ELFN1: variants seen among roughly 807,000 people sequenced by gnomAD.
The protein encoded by ELFN1 is extracellular leucine rich repeat and fibronectin type III domain containing 1.
Under a neutral mutation model 7.6 loss-of-function variants are expected in ELFN1, and 6 were observed. That is an observed-to-expected ratio of 0.79 (90% CI 0.43 to 1.56). The LOEUF (loss-of-function observed/expected upper bound fraction) is 1.56, where lower values mean the gene tolerates loss of function less well. Ranked by LOEUF, ELFN1 falls within the 40% of genes most tolerant of loss-of-function variation. The pLI is 0.01. For missense variants in ELFN1, 1,169 were observed against 1,232.2 expected (o/e 0.95, Z 0.77); for synonymous variants, 657 against 588.1 (o/e 1.12, Z -1.70).
chr7:1,702,973 G>A (rs986606289), intron 2 of ELFN1, among the ~76,000 whole-genome samples: 1 of 152,106 alleles, frequency 6.6e-6, no homozygotes, highest in Non-Finnish European at 1.5e-5. Flanking sequence ...GATCTGTATT[G>A]CCAAATGACT....
chr7:1,676,050 G>C (rs904944180), intron 1 of ELFN1, among the ~76,000 whole-genome samples: 1 of 152,200 alleles, frequency 6.6e-6, no homozygotes, highest in African/African-American at 2.4e-5. Flanking sequence ...GCCTGGGAGG[G>C]GGACTGGGAT....
intron 1 of ELFN1, among the ~76,000 whole-genome samples, chr7:1,675,150 C>T (rs1327034550): frequency 7.2e-6 from 1 of 138,760 alleles, no homozygotes; most frequent in Non-Finnish European, 1.5e-5. Context: ...CCCTGTGCAC[C>T]CCCAGGCCCT....
chr7:1,668,444 T>G (rs4236259), upstream of ELFN1, among the ~76,000 whole-genome samples: 89,705 of 152,196 alleles, frequency 0.59, 28,502 homozygotes, highest in African/African-American at 0.85. Flanking sequence ...GAAATGGGGA[T>G]CCAGTACCTC....
At chr7:1,676,102 A>C (rs1218285624) in intron 1 of ELFN1, among the ~76,000 whole-genome samples, 1 of 152,038 alleles carries the variant, frequency 6.6e-6, no homozygotes, top group Non-Finnish European at 1.5e-5. Flanking sequence ...TGGTTCCTAG[A>C]CCAGATCCCA....
chr7:1,696,392 C>CTT (rs964898176), intron 2 of ELFN1, among the ~76,000 whole-genome samples: 3 of 137,222 alleles, frequency 2.2e-5, no homozygotes, highest in Non-Finnish European at 4.8e-5. Flanking sequence ...TTCTTTCTTT[C>CTT]TTTTTTTTTT....
intron 3 of ELFN1, among the ~76,000 whole-genome samples, chr7:1,728,974 G>A (rs909279131): frequency 6.6e-6 from 1 of 152,206 alleles, no homozygotes; most frequent in Non-Finnish European, 1.5e-5. Context: ...GTAAACTGAG[G>A]CTCAAAGAAC....
intron 1 of ELFN1, among the ~76,000 whole-genome samples, chr7:1,679,173 A>ACG (rs147990589): frequency 6.7e-4 from 97 of 144,982 alleles, no homozygotes; most frequent in Middle Eastern, 3.4e-3. Context: ...GCACACACGT[A>ACG]CGCGCGCACA....
chr7:1,725,185 G>A (rs1780153370), intron 3 of ELFN1, among the ~76,000 whole-genome samples: 4 of 152,254 alleles, frequency 2.6e-5, no homozygotes, highest in Admixed American at 6.5e-5. Flanking sequence ...CCTGGTGGGT[G>A]CAGGCAGTTT....
intron 2 of ELFN1, among the ~76,000 whole-genome samples, chr7:1,700,583 C>T (rs186025757): frequency 3.9e-5 from 6 of 152,322 alleles, no homozygotes; most frequent in East Asian, 1.9e-4. Context: ...GGATCAAGGT[C>T]GGTTCCATTT....
chr7:1,674,338 G>A (rs1350751283), intron 1 of ELFN1, among the ~76,000 whole-genome samples: 1 of 152,136 alleles, frequency 6.6e-6, no homozygotes, highest in African/African-American at 2.4e-5. Context: ...GTTCTGTGGT[G>A]GGAGACCCTG....
At chr7:1,713,215 G>A (rs1779716916) in intron 3 of ELFN1, among the ~76,000 whole-genome samples, 1 of 152,230 alleles carries the variant, frequency 6.6e-6, no homozygotes, top group South Asian at 2.1e-4. Context: ...ACTCTGTGCT[G>A]TGAGCCTCAG....
At chr7:1,692,495 A>G (rs953173577) in intron 2 of ELFN1, 4 of 152,420 alleles carry the variant, frequency 2.6e-5, no homozygotes, top group African/African-American at 9.6e-5. Flanking sequence ...TTGGGGGTGC[A>G]TCTGCATGGA....
intron 3 of ELFN1, among the ~76,000 whole-genome samples, chr7:1,728,315 C>A (rs1314400810): frequency 1.3e-5 from 2 of 152,266 alleles, no homozygotes; most frequent in Admixed American, 1.3e-4. Context: ...GGCTCACTGA[C>A]TAACAAGGGG....
At chr7:1,722,513 C>T (rs1780055017) in intron 3 of ELFN1, among the ~76,000 whole-genome samples, 1 of 151,944 alleles carries the variant, frequency 6.6e-6, no homozygotes, top group South Asian at 2.1e-4. Context: ...TGGTGATCCA[C>T]CCCCCGCTCA....
At chr7:1,671,645 A>G (rs1778769638) in intron 1 of ELFN1, among the ~76,000 whole-genome samples, 1 of 152,236 alleles carries the variant, frequency 6.6e-6, no homozygotes, top group East Asian at 1.9e-4. Context: ...GGGAAACCCC[A>G]TTGGGTTGGG....
At chr7:1,675,077 G>A (rs950655290) in intron 1 of ELFN1, among the ~76,000 whole-genome samples, 2 of 152,188 alleles carry the variant, frequency 1.3e-5, no homozygotes, top group African/African-American at 4.8e-5. Flanking sequence ...TGGCCTTACC[G>A]ACGGGGACCC....
intron 2 of ELFN1, among the ~76,000 whole-genome samples, chr7:1,704,290 C>CT (rs912984986): frequency 2.0e-5 from 3 of 152,198 alleles, no homozygotes; most frequent in African/African-American, 7.2e-5. Flanking sequence ...TACTCTCCCC[C>CT]TCCTCACCCC....
chr7:1,743,141 G>A (rs547967962), intron 3 of ELFN1, among the ~76,000 whole-genome samples: 7 of 152,268 alleles, frequency 4.6e-5, no homozygotes, highest in African/African-American at 1.4e-4. Flanking sequence ...CTCCCCGGAC[G>A]TACCTCCAGC....
At chr7:1,713,488 C>G (rs1317814991) in intron 3 of ELFN1, among the ~76,000 whole-genome samples, 1 of 152,188 alleles carries the variant, frequency 6.6e-6, no homozygotes, top group Non-Finnish European at 1.5e-5. Flanking sequence ...TGCCCCTCCC[C>G]TCCACTTCCT....
Sources: allele counts gnomAD v4.1 joint callset (sites outside exome capture counted in the v4.1 genomes callset), GRCh38; gene constraint gnomAD v4.1.1; transcripts MANE v1.5; gene names NCBI Gene and HGNC (gene_info 2026-07-23, HGNC 2026-07-21).